Variants in SFMBT2 observed in about 807,000 individuals in gnomAD.
SFMBT2 encodes the protein Scm like with four mbt domains 2.
SFMBT2 carries 38 observed loss-of-function variants against 110.1 expected under a neutral mutation model. The ratio of observed to expected loss-of-function variants is 0.35; its 90% CI spans 0.27 to 0.45. The LOEUF (loss-of-function observed/expected upper bound fraction) is 0.45, where lower values mean the gene tolerates loss of function less well. SFMBT2 is among the 20% of genes least tolerant of loss of function. The probability of loss-of-function intolerance (pLI) is 1.00; values close to 1 mark genes in which losing one functional copy is unlikely to be tolerated. For synonymous variants in SFMBT2, 425 were observed against 425.4 expected (o/e 1.00, Z 0.01); for missense variants, 1,011 against 1,094.9 (o/e 0.92, Z 1.08).
intron 4 of SFMBT2, among the ~76,000 whole-genome samples, chr10:7,319,989 AGAGACAGAGAGG>A (rs1273453740): frequency 6.6e-6 from 1 of 151,898 alleles, no homozygotes; most frequent in African/African-American, 2.4e-5. Context: ...ACACAGAGAG[AGAGACAGAGAGG>A]GAGACAGAGA....
At chr10:7,311,133 T>TAA (rs147762078) in intron 4 of SFMBT2, among the ~76,000 whole-genome samples, 66,645 of 145,786 alleles carry the variant, frequency 0.46, 15,510 homozygotes, top group East Asian at 0.69. Flanking sequence ...AAGTTTCCCC[T>TAA]AAAAAAAAAA....
At chr10:7,385,735 C>T (rs569314384) in intron 1 of SFMBT2, among the ~76,000 whole-genome samples, 11 of 152,304 alleles carry the variant, frequency 7.2e-5, no homozygotes, top group Non-Finnish European at 1.2e-4. Context: ...CACAGTGGCT[C>T]ACGCCTGTAA....
intron 4 of SFMBT2, among the ~76,000 whole-genome samples, chr10:7,337,639 T>C (rs1363841713): frequency 3.3e-5 from 5 of 152,196 alleles, no homozygotes; most frequent in Admixed American, 2.0e-4. Context: ...CCATGCTTCC[T>C]GTACATCCTG....
chr10:7,363,832 T>C (rs1031388481), intron 4 of SFMBT2, among the ~76,000 whole-genome samples: 12 of 152,072 alleles, frequency 7.9e-5, no homozygotes, highest in African/African-American at 2.7e-4. Context: ...CCCCTCCCTT[T>C]ATACCACTCT....
chr10:7,206,696 G>A, intron 11 of SFMBT2: 1 of 774,090 alleles, frequency 1.3e-6, no homozygotes, highest in Non-Finnish European at 1.6e-6. Context: ...ATGAAACTCT[G>A]AAAAAGACAA....
In SFMBT2 at chr10:7,175,574, G is replaced by A. The variant is rs527471415; in HGVS notation, c.1984+416C>T. 1.3e-4 allele frequency among the ~76,000 whole-genome samples: 20 copies of A among 152,270 alleles called. 1 individual carries two copies. The East Asian group carries it at 2.3e-3, about 18-fold the overall frequency. The stretch of plus-strand genomic sequence containing the variant: ...CGATTATGACAAGGATGTGGCCCCC[G>A]TATCAAGAAGGGCAATGAAAGCATC... On this transcript the variant is annotated intron_variant, in intron 17 of 20. Transcript: ENST00000397167.
intron 16 of SFMBT2, among the ~76,000 whole-genome samples, chr10:7,184,658 C>T (rs1564371656): frequency 1.3e-5 from 2 of 152,038 alleles, no homozygotes; most frequent in Admixed American, 1.3e-4. Context: ...ACCGGCACGG[C>T]CCAAGCAGAA....
chr10:7,375,166 CAGAA>C (rs759901980), intron 2 of SFMBT2, among the ~76,000 whole-genome samples: 4 of 152,082 alleles, frequency 2.6e-5, no homozygotes, highest in Non-Finnish European at 5.9e-5. Flanking sequence ...TTTTAGAAAA[CAGAA>C]AGCTATTTAT....
At chr10:7,251,480 T>C (rs1462421106) in intron 7 of SFMBT2, among the ~76,000 whole-genome samples, 1 of 151,916 alleles carries the variant, frequency 6.6e-6, no homozygotes, top group Non-Finnish European at 1.5e-5. Flanking sequence ...TCTCAAAAAG[T>C]GAACGTTCCT....
At chr10:7,304,850 T>C (rs1389404818) in intron 4 of SFMBT2, among the ~76,000 whole-genome samples, 1 of 152,210 alleles carries the variant, frequency 6.6e-6, no homozygotes, top group Non-Finnish European at 1.5e-5. Context: ...GGTCCCACCC[T>C]GTGCCTAAAG....
rs1023077067 is a variant in SFMBT2 at position 7,159,323 on chromosome 10, T to C, written c.*4447A>G. 2.0e-5 allele frequency: 3 copies of C among 152,214 alleles called. No homozygotes were observed. The highest frequency in any genetic ancestry group is 4.4e-5 in the Non-Finnish European group (3 of 68,046). 9.4% of individuals were successfully genotyped at this position (152,214 alleles called of 1,614,324 possible). ...CAGCAATTACAACTTTTAGGTAAATTACATGGGTCAAAAGTAGCACAATTT... is the reference window on the plus strand; with the variant it reads ...CAGCAATTACAACTTTTAGGTAAATCACATGGGTCAAAAGTAGCACAATTT... On this transcript the variant is annotated 3_prime_UTR_variant, in exon 21 of 21. Transcript: ENST00000397167.
intron 11 of SFMBT2, among the ~76,000 whole-genome samples, chr10:7,209,262 T>C (rs2131621234): frequency 6.6e-6 from 1 of 152,380 alleles, no homozygotes; most frequent in South Asian, 2.1e-4. Flanking sequence ...CAAAGCTGAA[T>C]GTTCCACTGA....
chr10:7,174,176 A>G (rs1837976534), intron 17 of SFMBT2, among the ~76,000 whole-genome samples: 1 of 152,210 alleles, frequency 6.6e-6, no homozygotes, highest in African/African-American at 2.4e-5. Context: ...AGCTTGGAAC[A>G]ATGTCCCGTG....
At chr10:7,234,597 C>T (rs572972175) in intron 9 of SFMBT2, among the ~76,000 whole-genome samples, 55 of 152,278 alleles carry the variant, frequency 3.6e-4, no homozygotes, top group African/African-American at 1.3e-3. Context: ...ACTATACCAA[C>T]TCTTTTCAAT....
chr10:7,390,677 G>A (rs543076708), intron 1 of SFMBT2, among the ~76,000 whole-genome samples: 1 of 152,266 alleles, frequency 6.6e-6, no homozygotes, highest in African/African-American at 2.4e-5. Context: ...GTGGCTTATA[G>A]ACACTTATTA....
chr10:7,225,676 G>A (rs537964823), intron 10 of SFMBT2, among the ~76,000 whole-genome samples: 1 of 152,208 alleles, frequency 6.6e-6, no homozygotes, highest in African/African-American at 2.4e-5. Context: ...CTGCGAATGG[G>A]AACAGAGGAC....
rs538283414 is a variant in SFMBT2, at chr10:7,380,234, GT to G, written c.100+1564del. ...TGCCTTCTCAGAAAATAATTTCCAT[GT>G]TTCCAGGGAGGAACAATGATCCAGC... On this transcript the variant is annotated intron_variant, in intron 2 of 20. Coordinates refer to ENST00000397167, the MANE Select transcript of SFMBT2 (RefSeq NM_001387889.1). 6.6e-5 allele frequency among the ~76,000 whole-genome samples: 10 copies of G among 152,236 alleles called. No individual in the cohort carries two copies. The South Asian group carries it at 2.1e-3, about 32-fold the overall frequency.
intron 11 of SFMBT2, among the ~76,000 whole-genome samples, chr10:7,213,863 G>A (rs34515352): frequency 0.06 from 9,201 of 152,244 alleles, 381 homozygotes; most frequent in Admixed American, 0.087. Context: ...CAGCGTGACC[G>A]TCCAAAGCCA....
intron 4 of SFMBT2, among the ~76,000 whole-genome samples, chr10:7,362,810 C>T (rs1264297499): frequency 6.6e-6 from 1 of 152,222 alleles, no homozygotes; most frequent in African/African-American, 2.4e-5. Context: ...ATGACAGTGT[C>T]TCACAATCTG....
Sources: allele counts gnomAD v4.1 joint callset (sites outside exome capture counted in the v4.1 genomes callset), GRCh38; gene constraint gnomAD v4.1.1; transcripts MANE v1.5; gene names NCBI Gene and HGNC (gene_info 2026-07-23, HGNC 2026-07-21).